The following CPA6 variants were observed in gnomAD, a reference collection of about 807,000 sequenced individuals.
CPA6 encodes carboxypeptidase B.
In CPA6, 58 loss-of-function variants were observed where a neutral mutation model predicts 63.3. The observed-to-expected ratio is 0.92, with a 90% CI of 0.74 to 1.14. The LOEUF (loss-of-function observed/expected upper bound fraction) is 1.14, where lower values mean the gene tolerates loss of function less well. Among genes scored for constraint, CPA6 ranks in the 50% most tolerant of loss-of-function variants. CPA6 has a pLI of 0.00. For synonymous variants in CPA6, 185 were observed against 179.0 expected (o/e 1.03, Z -0.27); for missense variants, 565 against 526.6 (o/e 1.07, Z -0.71).
intron 6 of CPA6, among the ~76,000 whole-genome samples, chr8:67,498,763 G>C (rs1195255458): frequency 1.3e-5 from 2 of 152,154 alleles, no homozygotes; most frequent in East Asian, 3.9e-4. Context: ...CATTCAACAA[G>C]AGAAAGATTT....
intron 2 of CPA6, among the ~76,000 whole-genome samples, chr8:67,518,308 A>G (rs1214885559): frequency 6.6e-6 from 1 of 152,180 alleles, no homozygotes; most frequent in Non-Finnish European, 1.5e-5. Flanking sequence ...GGTAAAAATG[A>G]GATAAAATAG....
chr8:67,581,956 T>G (rs969775756), intron 2 of CPA6, among the ~76,000 whole-genome samples: 1 of 152,070 alleles, frequency 6.6e-6, no homozygotes, highest in Admixed American at 6.6e-5. Context: ...TAAAGTGTAG[T>G]TATCTGGGTT....
chr8:67,653,000 CT>C (rs1309446574), intron 1 of CPA6, among the ~76,000 whole-genome samples: 2 of 152,122 alleles, frequency 1.3e-5, no homozygotes, highest in Non-Finnish European at 2.9e-5. Context: ...ATAAGGAATC[CT>C]TTCCCCATTG....
At chr8:67,473,559 A>C (rs1811109633) in intron 8 of CPA6, among the ~76,000 whole-genome samples, 1 of 152,224 alleles carries the variant, frequency 6.6e-6, no homozygotes, top group African/African-American at 2.4e-5. Flanking sequence ...TCAGAGTTTC[A>C]TGAAAAGGCA....
At chr8:67,680,629 A>C (rs112580839) in intron 1 of CPA6, among the ~76,000 whole-genome samples, 1 of 152,214 alleles carries the variant, frequency 6.6e-6, no homozygotes, top group African/African-American at 2.4e-5. Context: ...AGGTATTCAG[A>C]CATGCTCTGC....
rs1172542568 is a variant in CPA6 at position 67,506,863 on chromosome 8, C to A, written c.560G>T (p.Arg187Ile). The change falls in exon 6 of 11, where the codon AGA becomes ATA. Residue 187 changes from arginine to isoleucine, a missense_variant. Arg to Ile is a moderately conservative substitution (Grantham distance 97). Coordinates refer to ENST00000297770, the MANE Select transcript of CPA6 (RefSeq NM_020361.5). ...AATACCACAGTCTATCCAAACAGCT[C>A]TTTTGAGTCGTGATCGTCTGCCCAG... ...LKLGRRSRLK[R>I]AVWIDCGIHA... is the part of the protein sequence containing the mutation. 3 of 1,613,536 alleles carry A rather than the reference C, an allele frequency of 1.9e-6. No individual in the cohort carries two copies. The highest frequency in any genetic ancestry group is 1.1e-5 in the South Asian group (1 of 91,058).
rs180841830 is a variant in CPA6 at position 67,555,614 on chromosome 8, C to T, written c.193-37567G>A. ...GCAAATTATTGAACCTAAGGAGGGG[C>T]TCAGGGAAACCTCTGAATTTGTAGT... On this transcript the variant is annotated intron_variant, in intron 2 of 10. Transcript: ENST00000297770. Among the ~76,000 whole-genome samples the T allele has an allele frequency of 4.4e-3, 677 of 152,248 alleles. 8 individuals are homozygous for T. The highest frequency in any genetic ancestry group is 0.037 in the South Asian group (177 of 4,826).
At chr8:67,606,863 G>A (rs1057445058) in intron 2 of CPA6, among the ~76,000 whole-genome samples, 15 of 152,212 alleles carry the variant, frequency 9.9e-5, no homozygotes, top group South Asian at 4.1e-4. Context: ...AACTTTTGCA[G>A]TCAACTTCTG....
intron 2 of CPA6, among the ~76,000 whole-genome samples, chr8:67,521,630 G>T (rs1812259676): frequency 6.6e-6 from 1 of 152,348 alleles, no homozygotes; most frequent in East Asian, 1.9e-4. Flanking sequence ...TAAGGACAGA[G>T]TTCAACTTCG....
chr8:67,475,835 C>CT lies in CPA6; in HGVS notation c.838+7932dup, dbSNP rs763590064. 8.1e-3 allele frequency among the ~76,000 whole-genome samples: 456 copies of CT among 56,610 alleles called. 13 individuals are homozygous for CT. The highest frequency in any genetic ancestry group is 0.025 in the African/African-American group (277 of 11,134). The allele number at this position is 56,610 out of a possible 152,430, so 37.1% of individuals were successfully genotyped here. On this transcript the variant is annotated intron_variant, in intron 8 of 10. Transcript: ENST00000297770. ...TTTCTTTCCTTTCTTTTCTTTCTTT[C>CT]TTTCTTTCTTTCTTTCTTTCTTTCT...
chr8:67,665,312 G>A (rs550972369), intron 1 of CPA6, among the ~76,000 whole-genome samples: 10 of 152,256 alleles, frequency 6.6e-5, no homozygotes, highest in African/African-American at 1.7e-4. Context: ...AGGACCTTGC[G>A]TGACCGAGTT....
Position 67,434,370 on chromosome 8 carries a change from A to G in CPA6, c.839-130T>C, listed in dbSNP as rs2128952348. Reference sequence around the variant, plus strand: ...TATGGTATTATTAAGCAATTCATCTAACTTCTCATTTATGGAAATCAGTAC... The same window carrying G: ...TATGGTATTATTAAGCAATTCATCTGACTTCTCATTTATGGAAATCAGTAC... On this transcript the variant is annotated intron_variant, in intron 8 of 10. Coordinates refer to ENST00000297770, the MANE Select transcript of CPA6 (RefSeq NM_020361.5). 8 of 760,042 alleles carry G rather than the reference A, an allele frequency of 1.1e-5. No homozygotes were observed. In the East Asian group the frequency reaches 1.9e-4, roughly 18 times the overall value. 47.1% of individuals were successfully genotyped at this position (760,042 alleles called of 1,614,324 possible).
chr8:67,443,342 G>C (rs1563954834), intron 8 of CPA6, among the ~76,000 whole-genome samples: 1 of 152,180 alleles, frequency 6.6e-6, no homozygotes, highest in Non-Finnish European at 1.5e-5. Flanking sequence ...TTACAGGCAT[G>C]AGCCACTGCT....
chr8:67,590,913 G>T (rs914468158), intron 2 of CPA6, among the ~76,000 whole-genome samples: 2 of 152,012 alleles, frequency 1.3e-5, no homozygotes, highest in South Asian at 2.1e-4. Context: ...GTCAATTTTG[G>T]CTTTTGTTGC....
At chr8:67,583,115 G>A (rs891554537) in intron 2 of CPA6, among the ~76,000 whole-genome samples, 3 of 150,442 alleles carry the variant, frequency 2.0e-5, no homozygotes, top group Admixed American at 1.3e-4. Context: ...TGGGGATCAC[G>A]ATTGATTTCA....
chr8:67,716,151 C>CAAAAAAAAAAAAAAAA (rs56275918), intron 1 of CPA6, among the ~76,000 whole-genome samples: 10 of 76,548 alleles, frequency 1.3e-4, no homozygotes, highest in African/African-American at 5.4e-4. Context: ...GAGCTTGTCT[C>CAAAAAAAAAAAAAAAA]AAAAAAAAAA....
At chr8:67,440,735 T>TGG (rs1185146102) in intron 8 of CPA6, among the ~76,000 whole-genome samples, 1 of 152,082 alleles carries the variant, frequency 6.6e-6, no homozygotes, top group Non-Finnish European at 1.5e-5. Flanking sequence ...CTATAGGCAA[T>TGG]TATAACAAGA....
At chr8:67,596,188 A>T in intron 2 of CPA6, among the ~76,000 whole-genome samples, 1 of 152,224 alleles carries the variant, frequency 6.6e-6, no homozygotes, top group South Asian at 2.1e-4. Flanking sequence ...AACACCCTTT[A>T]ACATTTCCTT....
chr8:67,508,186 C>T (rs1028924139), intron 5 of CPA6, among the ~76,000 whole-genome samples: 2 of 151,864 alleles, frequency 1.3e-5, no homozygotes, highest in African/African-American at 4.8e-5. Context: ...GGAGAACAGG[C>T]ACAGAGAGAA....
Sources: allele counts gnomAD v4.1 joint callset (sites outside exome capture counted in the v4.1 genomes callset), GRCh38; gene constraint gnomAD v4.1.1; transcripts MANE v1.5; gene names NCBI Gene and HGNC (gene_info 2026-07-23, HGNC 2026-07-21).